The following PLD1 variants were observed in gnomAD, a reference collection of about 807,000 sequenced individuals.
PLD1 encodes phospholipase D1, also known as choline phosphatase 1.
PLD1 carries 112 observed loss-of-function variants against 137.1 expected under a neutral mutation model. The observed-to-expected ratio is 0.82, with a 90% confidence interval of 0.70 to 0.96. The LOEUF (loss-of-function observed/expected upper bound fraction) is 0.96, where lower values mean the gene tolerates loss of function less well. PLD1 is among the 40% of genes least tolerant of loss of function. The pLI, the probability that PLD1 is intolerant of heterozygous loss-of-function variation, is 0.00. For missense variants in PLD1, 1,321 were observed against 1,342.0 expected (o/e 0.98, Z 0.24); for synonymous variants, 431 against 454.7 (o/e 0.95, Z 0.66).
chr3:171,624,501 TC>T lies in PLD1; in HGVS notation c.2594-3982del, dbSNP rs1351797388. ...GCTACCTATGTGTTTACCTCCTGAC[TC>T]AGCAATCCCACTCTAGAAATTTATG... On this transcript the variant is annotated intron_variant, in intron 23 of 26. Coordinates refer to ENST00000351298, the MANE Select transcript of PLD1 (RefSeq NM_002662.5). 4.6e-5 allele frequency among the ~76,000 whole-genome samples: 7 copies of T among 152,142 alleles called. No homozygotes were observed. The East Asian group carries it at 1.2e-3, about 25-fold the overall frequency.
intron 8 of PLD1, among the ~76,000 whole-genome samples, chr3:171,723,878 T>G (rs919018361): frequency 2.6e-5 from 4 of 152,204 alleles, no homozygotes; most frequent in Non-Finnish European, 5.9e-5. Flanking sequence ...ATAGGTAGTT[T>G]GTAGGTATTT....
At chr3:171,741,290 G>T (rs936077517) in intron 1 of PLD1, among the ~76,000 whole-genome samples, 4 of 152,168 alleles carry the variant, frequency 2.6e-5, no homozygotes, top group Non-Finnish European at 5.9e-5. Context: ...GAAGTGATTT[G>T]TCTATCTCTA....
chr3:171,786,384 A>T (rs1723012507), intron 1 of PLD1, among the ~76,000 whole-genome samples: 1 of 152,198 alleles, frequency 6.6e-6, no homozygotes, highest in African/African-American at 2.4e-5. Context: ...TTCTAAACCA[A>T]GGAGCAGCCA....
At chr3:171,700,153 TC>T (rs1344287926) in intron 11 of PLD1, among the ~76,000 whole-genome samples, 1 of 151,890 alleles carries the variant, frequency 6.6e-6, no homozygotes, top group African/African-American at 2.4e-5. Flanking sequence ...TTCCCTGCTC[TC>T]AGAGCCTCTC....
At chr3:171,633,156 C>A (rs978986634) in intron 23 of PLD1, among the ~76,000 whole-genome samples, 1 of 151,744 alleles carries the variant, frequency 6.6e-6, no homozygotes, top group South Asian at 2.1e-4. Flanking sequence ...GAACTCTATA[C>A]GGAAAGAAGA....
intron 24 of PLD1, among the ~76,000 whole-genome samples, chr3:171,617,860 T>C (rs565121764): frequency 3.4e-4 from 52 of 152,324 alleles, no homozygotes; most frequent in South Asian, 3.1e-3. Flanking sequence ...GAAAAATTAA[T>C]CATACATTAC....
intron 25 of PLD1, chr3:171,611,436 C>A (rs569801279): frequency 5.4e-4 from 193 of 355,450 alleles, no homozygotes; most frequent in Non-Finnish European, 1.0e-3. Context: ...GAAAACACAA[C>A]AGGGGACGTG....
At chr3:171,745,973 C>T (rs932683907) in intron 1 of PLD1, among the ~76,000 whole-genome samples, 24 of 152,160 alleles carry the variant, frequency 1.6e-4, no homozygotes, top group East Asian at 5.8e-4. Context: ...CGGCAAGTCC[C>T]GCACTCAGAG....
chr3:171,765,316 CA>C (rs1721904441), intron 1 of PLD1: 1 of 152,142 alleles, frequency 6.6e-6, no homozygotes, highest in Non-Finnish European at 1.5e-5. Flanking sequence ...ACATAGTAAC[CA>C]GATGTGTGTA....
At chr3:171,646,705 A>G (rs1030293169) in intron 21 of PLD1, among the ~76,000 whole-genome samples, 1 of 152,032 alleles carries the variant, frequency 6.6e-6, no homozygotes, top group African/African-American at 2.4e-5. Flanking sequence ...AGAAAACCTA[A>G]GCTATTAAGC....
intron 21 of PLD1, among the ~76,000 whole-genome samples, chr3:171,656,386 G>T (rs976104033): frequency 3.3e-5 from 5 of 152,064 alleles, no homozygotes; most frequent in Non-Finnish European, 5.9e-5. Flanking sequence ...GGTCAGACTG[G>T]TCTCAAACTC....
At chr3:171,656,193 CAG>C (rs1737187278) in intron 21 of PLD1, among the ~76,000 whole-genome samples, 2 of 62,090 alleles carry the variant, frequency 3.2e-5, no homozygotes, top group Admixed American at 1.5e-4. Flanking sequence ...TATTTTGAGA[CAG>C]AGTCTTGGTC....
At chr3:171,636,493 T>A (rs1735142067) in intron 23 of PLD1, among the ~76,000 whole-genome samples, 1 of 152,154 alleles carries the variant, frequency 6.6e-6, no homozygotes, top group Non-Finnish European at 1.5e-5. Context: ...CTACCTTTAT[T>A]AAATTTATTC....
chr3:171,750,467 GA>G (rs148999439), intron 1 of PLD1, among the ~76,000 whole-genome samples: 36 of 150,064 alleles, frequency 2.4e-4, no homozygotes, highest in Admixed American at 1.8e-3. Flanking sequence ...AAATGGGGCA[GA>G]AAAAAAAATG....
At chr3:171,724,090 A>T (rs1036306762) in intron 8 of PLD1, among the ~76,000 whole-genome samples, 2 of 152,244 alleles carry the variant, frequency 1.3e-5, no homozygotes, top group Non-Finnish European at 2.9e-5. Flanking sequence ...TAATACTGCT[A>T]TTATAATACT....
At chr3:171,652,083 A>C (rs1736815079) in intron 21 of PLD1, among the ~76,000 whole-genome samples, 1 of 152,204 alleles carries the variant, frequency 6.6e-6, no homozygotes, top group African/African-American at 2.4e-5. Context: ...TTATCCCACA[A>C]GAAAAAATGT....
At chr3:171,615,932 A>G (rs1431622281) in intron 24 of PLD1, among the ~76,000 whole-genome samples, 1 of 152,216 alleles carries the variant, frequency 6.6e-6, no homozygotes, top group African/African-American at 2.4e-5. Flanking sequence ...TAACACCAGA[A>G]TGTTTTCCAA....
chr3:171,707,900 G>A (rs901142393), intron 11 of PLD1, among the ~76,000 whole-genome samples: 2 of 152,188 alleles, frequency 1.3e-5, no homozygotes, highest in Non-Finnish European at 2.9e-5. Context: ...TCTTGAATTA[G>A]ATATTGATAT....
chr3:171,603,332 G>A, intron 26 of PLD1, 30 bp from the exon 27 acceptor site: 2 of 1,534,658 alleles, frequency 1.3e-6, no homozygotes, highest in South Asian at 2.2e-5. Context: ...AAAAATGAGT[G>A]AAAAGTTTAA....
Sources: allele counts gnomAD v4.1 joint callset (sites outside exome capture counted in the v4.1 genomes callset), GRCh38; gene constraint gnomAD v4.1.1; transcripts MANE v1.5; gene names NCBI Gene and HGNC (gene_info 2026-07-23, HGNC 2026-07-21).